The following ANKRD44 variants were observed in gnomAD, a reference collection of about 807,000 sequenced individuals.
ANKRD44 encodes the protein serine/threonine-protein phosphatase 6 regulatory ankyrin repeat subunit B.
Under a neutral mutation model 116.0 loss-of-function variants are expected in ANKRD44, and 35 were observed. That is an observed-to-expected ratio of 0.30 (90% CI 0.23 to 0.40). ANKRD44 has a LOEUF of 0.40. ANKRD44 is among the 10% of genes least tolerant of loss of function. The probability of loss-of-function intolerance (pLI) is 1.00; values close to 1 mark genes in which losing one functional copy is unlikely to be tolerated. For missense variants in ANKRD44, 1,014 were observed against 1,242.6 expected, an observed-to-expected ratio of 0.82 and a Z score of 2.77; for synonymous variants, 435 against 461.8, an observed-to-expected ratio of 0.94 and a Z score of 0.74.
chr2:197,077,251 T>C (rs893672232), intron 16 of ANKRD44, among the ~76,000 whole-genome samples: 1 of 152,250 alleles, frequency 6.6e-6, no homozygotes, highest in Non-Finnish European at 1.5e-5. Flanking sequence ...ATTTCTCTAA[T>C]GATCAGTGAT....
intron 1 of ANKRD44, among the ~76,000 whole-genome samples, chr2:197,269,389 T>C (rs936142841): frequency 1.3e-5 from 2 of 152,218 alleles, no homozygotes; most frequent in African/African-American, 4.8e-5. Context: ...GAGCTGTAAC[T>C]ACTGCAATCA....
At chr2:197,140,106 T>C (rs898198083) in intron 3 of ANKRD44, among the ~76,000 whole-genome samples, 2 of 136,482 alleles carry the variant, frequency 1.5e-5, no homozygotes, top group African/African-American at 6.4e-5. Flanking sequence ...GGTCTTGAAC[T>C]CCTGACCTCA....
At chr2:197,202,508 G>A (rs1361523723) in intron 1 of ANKRD44, among the ~76,000 whole-genome samples, 1 of 152,174 alleles carries the variant, frequency 6.6e-6, no homozygotes, top group East Asian at 1.9e-4. Context: ...GAAGTAGCAG[G>A]ACCAAGCTGC....
chr2:197,258,270 C>CTT (rs71395680), intron 1 of ANKRD44, among the ~76,000 whole-genome samples: 20,909 of 78,776 alleles, frequency 0.27, 3,188 homozygotes, highest in African/African-American at 0.38. Flanking sequence ...TTGGCTAATC[C>CTT]TTTTTTTTTT....
chr2:197,170,340 C>G (rs11894999), intron 2 of ANKRD44, among the ~76,000 whole-genome samples: 8,678 of 152,124 alleles, frequency 0.057, 823 homozygotes, highest in African/African-American at 0.2. Context: ...CACTAAAATA[C>G]AAGGAAATTT....
intron 16 of ANKRD44, among the ~76,000 whole-genome samples, chr2:197,067,066 G>T (rs950456223): frequency 1.3e-5 from 2 of 152,144 alleles, no homozygotes; most frequent in Non-Finnish European, 2.9e-5. Flanking sequence ...AAACAGCATG[G>T]TACTGGTACC....
rs551923767 is a variant in ANKRD44, at chr2:197,106,806, A to ATT, written c.985+3958_985+3959dup. Among the ~76,000 whole-genome samples the ATT allele has an allele frequency of 4.5e-3, 618 of 136,560 alleles. 11 individuals carry two copies. The highest frequency in any genetic ancestry group is 0.03 in the Admixed American group (393 of 13,222). The allele number at this position is 136,560 out of a possible 152,430, so 89.6% of individuals were successfully genotyped here. ...CTCCGTCTCAAATATATATATATAT[A>ATT]TTTTTTTTTTTTTTTCAGGAAAACA... On this transcript the variant is annotated intron_variant, in intron 9 of 27. Coordinates refer to ENST00000282272, the MANE Select transcript of ANKRD44 (RefSeq NM_001195144.2).
chr2:197,076,037 G>A (rs975426064), intron 16 of ANKRD44, among the ~76,000 whole-genome samples: 8 of 152,144 alleles, frequency 5.3e-5, no homozygotes, highest in African/African-American at 1.4e-4. Flanking sequence ...TCCCTGGACC[G>A]GTAGTGAAGG....
At chr2:197,148,311 T>C (rs2079557868) in intron 2 of ANKRD44, among the ~76,000 whole-genome samples, 1 of 152,330 alleles carries the variant, frequency 6.6e-6, no homozygotes, top group African/African-American at 2.4e-5. Context: ...GCATACTTGG[T>C]GCTCAGCATA....
intron 1 of ANKRD44, among the ~76,000 whole-genome samples, chr2:197,194,987 G>C (rs1035254979): frequency 2.0e-5 from 3 of 152,040 alleles, no homozygotes; most frequent in Non-Finnish European, 4.4e-5. Context: ...TAACTGGGTG[G>C]GGGGAGCATC....
At chr2:197,046,525 G>A (rs1240555165) in intron 16 of ANKRD44, among the ~76,000 whole-genome samples, 2 of 147,898 alleles carry the variant, frequency 1.4e-5, no homozygotes, top group South Asian at 2.2e-4. Context: ...CCAGGAGCCT[G>A]TTGTTACAGA....
In ANKRD44 at chr2:197,141,709, C is replaced by T. The variant is rs544318825; in HGVS notation, c.191-5047G>A. Reference sequence around the variant, plus strand: ...CTCTTTTTCATGGAGGTTGAATAGGCAGCTGCCAGGAAAACCTCCTCTCCC... The same window carrying T: ...CTCTTTTTCATGGAGGTTGAATAGGTAGCTGCCAGGAAAACCTCCTCTCCC... On this transcript the variant is annotated intron_variant, in intron 3 of 27. Coordinates refer to ENST00000282272, the MANE Select transcript of ANKRD44 (RefSeq NM_001195144.2). Among the ~76,000 whole-genome samples, 7 of 152,290 alleles carry T rather than the reference C, an allele frequency of 4.6e-5. No individual in the cohort carries two copies. In the South Asian group the frequency reaches 1.5e-3, roughly 32 times the overall value.
intron 8 of ANKRD44, among the ~76,000 whole-genome samples, chr2:197,118,637 G>GAGAGAAAAAGAA (rs773839262): frequency 8.9e-6 from 1 of 112,358 alleles, no homozygotes; most frequent in African/African-American, 3.3e-5. Context: ...GAGAGAGAGA[G>GAGAGAAAAAGAA]AGAAAGAAAG....
rs767775628 is a variant in ANKRD44, at chr2:197,001,740, C to T, written c.2435+13G>A. 4.4e-6 allele frequency: 7 copies of T among 1,579,538 alleles called. No individual in the cohort carries two copies. Among genetic ancestry groups the T allele is most frequent in the Non-Finnish European group, 6.0e-6 (7 of 1,157,514 alleles). On this transcript the variant is annotated intron_variant, in intron 22 of 27. Transcript: ENST00000282272. ...TTAAAGCAACATCATTAACTCTCAG[C>T]GTTTCTACTTACATTGCACAGTGCA...
At chr2:197,241,442 T>C (rs2093147009) in intron 1 of ANKRD44, among the ~76,000 whole-genome samples, 1 of 152,204 alleles carries the variant, frequency 6.6e-6, no homozygotes, top group South Asian at 2.1e-4. Context: ...GAACATCTTA[T>C]ATTAGGCAAG....
chr2:197,188,859 TA>T (rs1251282560), intron 1 of ANKRD44, among the ~76,000 whole-genome samples: 1 of 151,812 alleles, frequency 6.6e-6, no homozygotes, highest in Admixed American at 6.6e-5. Flanking sequence ...AGATGCCTAT[TA>T]AAAAAAATAG....
intron 16 of ANKRD44, among the ~76,000 whole-genome samples, chr2:197,066,959 A>AG (rs1249923651): frequency 6.6e-6 from 1 of 152,234 alleles, no homozygotes; most frequent in African/African-American, 2.4e-5. Flanking sequence ...GAACCAAAAA[A>AG]GAGCCCGCGT....
In ANKRD44 at chr2:196,988,938, T is replaced by G. The variant is rs927916110; in HGVS notation, c.*653A>C. Reference sequence around the variant, plus strand: ...GATCCACTACACATCTGAGTTTTCATCTCGCAGAAGGGCATCCAGACTGCA... The same window carrying G: ...GATCCACTACACATCTGAGTTTTCAGCTCGCAGAAGGGCATCCAGACTGCA... On this transcript the variant is annotated 3_prime_UTR_variant, in exon 28 of 28. Transcript: ENST00000282272. The G allele has an allele frequency of 2.7e-5, 27 of 985,320 alleles. 1 individual carries two copies. In the Admixed American group the frequency reaches 1.7e-3, roughly 61 times the overall value. The allele number at this position is 985,320 out of a possible 1,614,324, so 61.0% of individuals were successfully genotyped here. A position where few individuals can be genotyped will look rare whatever the true frequency, so the allele number is the denominator to read the frequency against.
chr2:197,038,588 T>C (rs1329617606), intron 16 of ANKRD44, among the ~76,000 whole-genome samples: 3 of 152,226 alleles, frequency 2.0e-5, no homozygotes, highest in Non-Finnish European at 4.4e-5. Flanking sequence ...ATTAAGTTTT[T>C]ATATTTAATT....
Sources: gnomAD v4.1 joint callset for allele counts (sites outside exome capture counted in the v4.1 genomes callset) on GRCh38, gnomAD v4.1.1 for gene constraint, MANE v1.5 for transcripts, NCBI Gene and HGNC (gene_info 2026-07-23, HGNC 2026-07-21) for gene names.